ADAMTS17: variants seen among roughly 807,000 people sequenced by gnomAD.
The protein encoded by ADAMTS17 is A disintegrin and metalloproteinase with thrombospondin motifs 17.
Under a neutral mutation model 141.5 loss-of-function variants are expected in ADAMTS17, and 113 were observed. The ratio of observed to expected loss-of-function variants is 0.80; its 90% CI spans 0.69 to 0.93. ADAMTS17 has a LOEUF of 0.93. Among genes scored for constraint, ADAMTS17 ranks in the 40% least tolerant of loss-of-function variants. The probability of loss-of-function intolerance (pLI) is 0.00; values close to 1 mark genes in which losing one functional copy is unlikely to be tolerated. For missense variants in ADAMTS17, 1,659 were observed against 1,517.9 expected, an observed-to-expected ratio of 1.09 and a Z score of -1.54; for synonymous variants, 768 against 630.6, an observed-to-expected ratio of 1.22 and a Z score of -3.27.
At chr15:100,232,363 T>C (rs1266315979) in intron 7 of ADAMTS17, among the ~76,000 whole-genome samples, 1 of 152,062 alleles carries the variant, frequency 6.6e-6, no homozygotes, top group Non-Finnish European at 1.5e-5. Flanking sequence ...AGATGTGAGG[T>C]TCAAGTCCCG....
chr15:100,306,205 C>G (rs1226084097), intron 3 of ADAMTS17: 1 of 309,196 alleles, frequency 3.2e-6, no homozygotes, highest in African/African-American at 2.2e-5. Flanking sequence ...AAATAAGGCC[C>G]CCAAATTCTT....
chr15:100,141,093 G>GCT (rs2038625519), intron 10 of ADAMTS17, among the ~76,000 whole-genome samples: 1 of 152,204 alleles, frequency 6.6e-6, no homozygotes, highest in Non-Finnish European at 1.5e-5. Context: ...AAATGAAACA[G>GCT]CTCTCTGGTT....
chr15:100,278,345 C>T (rs1402284261), intron 4 of ADAMTS17, among the ~76,000 whole-genome samples: 1 of 150,674 alleles, frequency 6.6e-6, no homozygotes, highest in East Asian at 1.9e-4. Flanking sequence ...AAAAAAAAAC[C>T]CAGAAAAAGA....
chr15:100,090,896 T>A (rs2035418538), intron 15 of ADAMTS17, among the ~76,000 whole-genome samples: 1 of 150,932 alleles, frequency 6.6e-6, no homozygotes, highest in Admixed American at 6.6e-5. Context: ...TAATCTCAGC[T>A]ACTCAGGAGG....
Position 100,281,301 on chromosome 15 carries a change from C to A in ADAMTS17, c.717G>T (p.Val239=), listed in dbSNP as rs746582110. The A allele has an allele frequency of 1.2e-6, 2 of 1,609,498 alleles. No individual in the cohort carries two copies. The highest frequency in any genetic ancestry group is 2.2e-5 in the South Asian group (2 of 91,038). Residue 239 remains valine, a synonymous_variant, in exon 4 of 22, where the codon GTG becomes GTT. Transcript: ENST00000268070. The stretch of plus-strand genomic sequence containing the variant: ...GGTACTGCACCATGTCGGCGTCGGC[C>A]ACCACCAGGGTCTCCACCGTGTGCT... ...TSEHTVETLV[V]ADADMVQYHG...
chr15:100,322,226 C>G (rs988087781), intron 3 of ADAMTS17, among the ~76,000 whole-genome samples: 14 of 152,138 alleles, frequency 9.2e-5, no homozygotes, highest in African/African-American at 3.1e-4. Flanking sequence ...CCCCTGTGAT[C>G]TGAAGAACCA....
At chr15:100,017,471 C>T (rs1046450138) in intron 18 of ADAMTS17, among the ~76,000 whole-genome samples, 6 of 152,232 alleles carry the variant, frequency 3.9e-5, no homozygotes, top group South Asian at 4.1e-4. Flanking sequence ...GCCTCCCTCC[C>T]GATGGATCCC....
At chr15:100,018,798 T>C (rs115239695) in intron 18 of ADAMTS17, among the ~76,000 whole-genome samples, 2,339 of 152,224 alleles carry the variant, frequency 0.015, 56 homozygotes, top group African/African-American at 0.051. Context: ...AAAAACCAAA[T>C]GAGGACGTGC....
intron 2 of ADAMTS17, among the ~76,000 whole-genome samples, chr15:100,333,104 C>T (rs2046104196): frequency 6.6e-6 from 1 of 152,180 alleles, no homozygotes. Flanking sequence ...CACCAGCCTT[C>T]CTTCTCTCTC....
chr15:100,001,975 T>TAAAAAAAAAAAAAAA (rs1567663668), intron 18 of ADAMTS17, among the ~76,000 whole-genome samples: 3 of 19,614 alleles, frequency 1.5e-4, no homozygotes, highest in Admixed American at 6.6e-4. Flanking sequence ...AGACTCAGTC[T>TAAAAAAAAAAAAAAA]CAAAAAAAAG....
At chr15:100,032,294 C>T (rs1043122246) in intron 18 of ADAMTS17, among the ~76,000 whole-genome samples, 1 of 152,146 alleles carries the variant, frequency 6.6e-6, no homozygotes, top group Non-Finnish European at 1.5e-5. Context: ...GGAAGGCACC[C>T]GTCAGCACCT....
At position 99,974,204 on chromosome 15, in the gene ADAMTS17, G is replaced by A. The variant is rs1179083861; in HGVS notation, c.*198C>T. The stretch of plus-strand genomic sequence containing the variant: ...GACTCATGCCTACTTTCTCCTCACT[G>A]TAGAAAGCCAGCCAGTGGCTGTTAA... On this transcript the variant is annotated 3_prime_UTR_variant, in exon 22 of 22. Coordinates refer to ENST00000268070, the MANE Select transcript of ADAMTS17 (RefSeq NM_139057.4). The A allele has an allele frequency of 7.1e-5, 47 of 663,824 alleles. No individual in the cohort carries two copies. The East Asian group carries it at 1.3e-3, about 18-fold the overall frequency. The allele number at this position is 663,824 out of a possible 1,614,324, so 41.1% of individuals were successfully genotyped here. A position where few individuals can be genotyped will look rare whatever the true frequency, so the allele number is the denominator to read the frequency against.
At chr15:100,021,336 G>A (rs191742381) in intron 18 of ADAMTS17, among the ~76,000 whole-genome samples, 3 of 152,238 alleles carry the variant, frequency 2.0e-5, no homozygotes, top group Admixed American at 2.0e-4. Flanking sequence ...ATCTTGGACT[G>A]CTCTCTGTGC....
intron 18 of ADAMTS17, among the ~76,000 whole-genome samples, chr15:100,006,412 G>C (rs1341665736): frequency 6.6e-6 from 1 of 152,150 alleles, no homozygotes; most frequent in Non-Finnish European, 1.5e-5. Flanking sequence ...ATTTAAACTA[G>C]GTAAAGGCCT....
chr15:100,131,069 G>A, intron 12 of ADAMTS17, among the ~76,000 whole-genome samples: 1 of 152,120 alleles, frequency 6.6e-6, no homozygotes, highest in African/African-American at 2.4e-5. Flanking sequence ...CCTTTGCAGG[G>A]ACATGGATGA....
chr15:100,169,678 C>T (rs1167019714), intron 8 of ADAMTS17, among the ~76,000 whole-genome samples: 4 of 152,104 alleles, frequency 2.6e-5, no homozygotes, highest in Non-Finnish European at 5.9e-5. Flanking sequence ...CTAAGCTGTG[C>T]GGAAGTGGCC....
chr15:100,091,236 C>T (rs1023527407), intron 15 of ADAMTS17, among the ~76,000 whole-genome samples: 8 of 151,828 alleles, frequency 5.3e-5, no homozygotes, highest in Non-Finnish European at 1.0e-4. Flanking sequence ...AGGCCAGATA[C>T]CCCCGATGTG....
chr15:100,242,782 G>A (rs1207195536), intron 7 of ADAMTS17, among the ~76,000 whole-genome samples: 2 of 152,238 alleles, frequency 1.3e-5, no homozygotes, highest in East Asian at 3.9e-4. Context: ...TCACAACACT[G>A]CTCCCTCTGT....
At chr15:100,117,547 G>C (rs1017413443) in intron 12 of ADAMTS17, among the ~76,000 whole-genome samples, 3 of 152,210 alleles carry the variant, frequency 2.0e-5, no homozygotes, top group Non-Finnish European at 4.4e-5. Flanking sequence ...TCCGGGCTGT[G>C]CTACCTTTAC....
Sources: allele counts gnomAD v4.1 joint callset (sites outside exome capture counted in the v4.1 genomes callset), GRCh38; gene constraint gnomAD v4.1.1; transcripts MANE v1.5; gene names NCBI Gene and HGNC (gene_info 2026-07-23, HGNC 2026-07-21).